The following GOLGA6A variants were observed in gnomAD, a reference collection of about 807,000 sequenced individuals.
The protein encoded by GOLGA6A is golgin A6 family member A.
In GOLGA6A, 1 loss-of-function variant was observed where a neutral mutation model predicts 53.6. The observed-to-expected ratio is 0.02, with a 90% CI of 0.01 to 0.09. The LOEUF is 0.09. Among genes scored for constraint, GOLGA6A ranks in the 10% least tolerant of loss-of-function variants. The pLI, the probability that GOLGA6A is intolerant of heterozygous loss-of-function variation, is 1.00. For synonymous variants in GOLGA6A, 6 were observed against 201.8 expected, an observed-to-expected ratio of 0.03 and a Z score of 8.22; for missense variants, 23 against 509.4, an observed-to-expected ratio of 0.05 and a Z score of 9.19.
chr15:74,076,346 G>A (rs1302497260), intron 7 of GOLGA6A, among the ~76,000 whole-genome samples: 8 of 132,458 alleles, frequency 6.0e-5, no homozygotes, highest in East Asian at 4.3e-4. Flanking sequence ...GAAAAACATC[G>A]AGTGTTCAAG....
intron 3 of GOLGA6A, among the ~76,000 whole-genome samples, chr15:74,078,030 C>T (rs2071987200): frequency 7.0e-6 from 1 of 143,044 alleles, no homozygotes; most frequent in Non-Finnish European, 1.5e-5. Context: ...CAGGAAGGCC[C>T]ACCCTTCTGC....
At chr15:74,076,255 C>A (rs1385928854) in intron 7 of GOLGA6A, among the ~76,000 whole-genome samples, 1 of 145,794 alleles carries the variant, frequency 6.9e-6, no homozygotes, top group Admixed American at 6.9e-5. Flanking sequence ...AGTGCTTCAC[C>A]AGGTTCCATG....
At chr15:74,072,377 T>TC in intron 13 of GOLGA6A, 68 bp from the exon 14 acceptor site, 2 of 1,607,484 alleles carry the variant, frequency 1.2e-6, no homozygotes, top group Non-Finnish European at 1.7e-6. Context: ...CCCACCTCTG[T>TC]CCCCACCCTG....
In GOLGA6A at chr15:74,074,641, TGCAGCCTCTCCTCCTCCTTTC is replaced by T. The variant is rs2071967140; in HGVS notation, c.1187_1207del (p.Arg396_Leu402del). ...GTCCCACAGCCTCTTTTCCTGCTTTTGCAGCCTCTCCTCCTCCTTTCGCAGCCTCTCCTCCTGTTTGCGTAG... is the reference window on the plus strand; with the variant it reads ...GTCCCACAGCCTCTTTTCCTGCTTTTGCAGCCTCTCCTCCTGTTTGCGTAG... On this transcript the variant is annotated inframe_deletion, in exon 11 of 18. Transcript: ENST00000290438. 1.2e-4 allele frequency: 51 copies of T among 436,160 alleles called. 1 individual carries two copies. Among genetic ancestry groups the T allele is most frequent in the South Asian group, 2.3e-4 (10 of 43,566 alleles). The allele number at this position is 436,160 out of a possible 1,614,324, so 27.0% of individuals were successfully genotyped here. A position where few individuals can be genotyped will look rare whatever the true frequency, so the allele number is the denominator to read the frequency against.
rs2071966965 is a variant in GOLGA6A at position 74,074,585 on chromosome 15, TCTC to T, written c.1261_1263del (p.Glu421del). ...AGCCTCTCCTCCTGCTTTTGTAGCCTCTCCTCCTTCTTCCACAGCCTCTCCTCC... is the reference window on the plus strand; with the variant it reads ...AGCCTCTCCTCCTGCTTTTGTAGCCTCTCCTTCTTCCACAGCCTCTCCTCC... On this transcript the variant is annotated inframe_deletion, in exon 11 of 18. Transcript: ENST00000290438. 1 of 385,690 alleles carries T rather than the reference TCTC, an allele frequency of 2.6e-6. No individual in the cohort carries two copies. The highest frequency in any genetic ancestry group is 2.4e-5 in the South Asian group (1 of 42,364). The allele number at this position is 385,690 out of a possible 1,614,324, so 23.9% of individuals were successfully genotyped here.
chr15:74,080,424 C>T (rs1397883101), intron 2 of GOLGA6A, among the ~76,000 whole-genome samples, 192 bp downstream of exon 2: 1 of 152,398 alleles, frequency 6.6e-6, no homozygotes, highest in African/African-American at 2.4e-5. Context: ...TCAAACAATA[C>T]TACCCCTATT....
intron 7 of GOLGA6A, among the ~76,000 whole-genome samples, chr15:74,076,300 T>G (rs1394851986): frequency 6.4e-5 from 9 of 140,738 alleles, no homozygotes. Context: ...AACCACCATA[T>G]GAGACGGTTA....
At chr15:74,072,368 C>T in intron 13 of GOLGA6A, 59 bp from the exon 14 acceptor site, 1 of 1,609,418 alleles carries the variant, frequency 6.2e-7, no homozygotes, top group Admixed American at 1.7e-5. Flanking sequence ...TACTGTGGGC[C>T]CACCTCTGTC....
chr15:74,075,658 TG>T, intron 9 of GOLGA6A, 24 bp downstream of exon 9: 1 of 631,272 alleles, frequency 1.6e-6, no homozygotes, highest in Non-Finnish European at 2.6e-6. Context: ...CTATCTAAAG[TG>T]GGGGCTGAAG....
intron 7 of GOLGA6A, among the ~76,000 whole-genome samples, chr15:74,076,280 T>G (rs2071978338): frequency 6.9e-6 from 1 of 144,484 alleles, no homozygotes; most frequent in South Asian, 2.4e-4. Context: ...CAATCCCATT[T>G]AATCCTCACA....
rs751645099 is a variant in GOLGA6A at position 74,076,030 on chromosome 15, A to C, written c.565-45T>G. On this transcript the variant is annotated intron_variant, in intron 7 of 17. Transcript: ENST00000290438. Reference sequence around the variant, plus strand: ...AAGTTTTGATCTGGGGAGCTCAGGCAGTGCCCCTTAAAAGGGCTAGGCTCA... The same window carrying C: ...AAGTTTTGATCTGGGGAGCTCAGGCCGTGCCCCTTAAAAGGGCTAGGCTCA... 21 of 1,612,438 alleles carry C rather than the reference A, an allele frequency of 1.3e-5. No homozygotes were observed. The East Asian group carries it at 4.0e-4, about 31-fold the overall frequency.
At chr15:74,071,334 CCCCCAA>C in intron 16 of GOLGA6A, 27 bp downstream of exon 16, 4 of 1,144,484 alleles carry the variant, frequency 3.5e-6, no homozygotes, top group Non-Finnish European at 5.1e-6. Flanking sequence ...CCCATGCCCA[CCCCCAA>C]CCCCGCAGAG....
chr15:74,079,825 TGCCAGGG>T (rs1203781896), intron 2 of GOLGA6A, among the ~76,000 whole-genome samples: 10 of 4,848 alleles, frequency 2.1e-3, no homozygotes, highest in African/African-American at 0.011. Flanking sequence ...CCTGCTGCCT[TGCCAGGG>T]GCAGGAAAAA....
chr15:74,080,907 T>TAAAAA (rs201001731), intron 1 of GOLGA6A, among the ~76,000 whole-genome samples, 172 bp from the exon 2 acceptor site: 1 of 91,748 alleles, frequency 1.1e-5, no homozygotes. Flanking sequence ...ATATTATGGC[T>TAAAAA]AAAAAAAAAA....
chr15:74,073,728 T>TTTG (rs1346805845), intron 12 of GOLGA6A, among the ~76,000 whole-genome samples: 25 of 127,126 alleles, frequency 2.0e-4, no homozygotes, highest in South Asian at 1.4e-3. Flanking sequence ...TGGCTAATTT[T>TTTG]TTGTTGTTGT....
In GOLGA6A at chr15:74,071,536, CCCTGG is replaced by C; in HGVS notation, c.1696+13_1696+17del. 1.1e-6 allele frequency: 1 copy of C among 891,962 alleles called. No individual in the cohort carries two copies. The highest frequency in any genetic ancestry group is 1.8e-6 in the Non-Finnish European group (1 of 564,340). 55.3% of individuals were successfully genotyped at this position (891,962 alleles called of 1,614,324 possible). ...GGCCCTGCAGCTCCCCGTGCCCGTGCCCTGGCCTCCCGCTCACTCATGCCGTCTGT... is the reference window on the plus strand; with the variant it reads ...GGCCCTGCAGCTCCCCGTGCCCGTGCCCTCCCGCTCACTCATGCCGTCTGT... On this transcript the variant is annotated intron_variant, in intron 15 of 17. Transcript: ENST00000290438.
intron 2 of GOLGA6A, among the ~76,000 whole-genome samples, chr15:74,079,873 TCACAGA>T (rs1436571076): frequency 7.1e-5 from 1 of 14,050 alleles, no homozygotes; most frequent in East Asian, 8.3e-4. Flanking sequence ...AGTGACGCAG[TCACAGA>T]GTGGAGTCAG....
intron 2 of GOLGA6A, among the ~76,000 whole-genome samples, chr15:74,080,033 AC>A (rs2071993860): frequency 8.3e-6 from 1 of 120,232 alleles, no homozygotes; most frequent in African/African-American, 3.4e-5. Flanking sequence ...AACTAAGGGG[AC>A]TTCAGCTAAA....
intron 12 of GOLGA6A, among the ~76,000 whole-genome samples, chr15:74,073,380 A>G (rs2071962211): frequency 6.6e-6 from 1 of 150,956 alleles, no homozygotes; most frequent in Non-Finnish European, 1.5e-5. Flanking sequence ...GCCAACCACC[A>G]TCTGCTAAGT....
Sources: gnomAD v4.1 joint callset for allele counts (sites outside exome capture counted in the v4.1 genomes callset) on GRCh38, gnomAD v4.1.1 for gene constraint, MANE v1.5 for transcripts, NCBI Gene and HGNC (gene_info 2026-07-23, HGNC 2026-07-21) for gene names.